Variants in PGRMC1 observed in about 807,000 individuals in gnomAD.
PGRMC1 encodes membrane-associated progesterone receptor component 1.
For synonymous variants in PGRMC1, 73 were observed against 77.3 expected (o/e 0.94, Z 0.29); for missense variants, 145 against 169.0 (o/e 0.86, Z 0.79).
rs1179307251 is a variant in PGRMC1 at position 119,236,538 on chromosome X, G to A, written c.175G>A (p.Asp59Asn). Residue 59 changes from aspartate (D) to asparagine (N), a missense_variant, in exon 1 of 3, where the codon GAC becomes AAC. By Grantham distance (23) the Asp-to-Asn change is conservative. Transcript: ENST00000217971. ...DQPAASGDSD[D>N]DEPPPLPRLK... Reference sequence around the variant, plus strand: ...GCCGGCGGCCAGCGGCGACAGCGACGACGACGAGCCGCCCCCTCTGCCCCG... The same window carrying A: ...GCCGGCGGCCAGCGGCGACAGCGACAACGACGAGCCGCCCCCTCTGCCCCG... 2.5e-6 allele frequency: 3 copies of A among 1,208,768 alleles called. No individual in the cohort carries two copies. Among genetic ancestry groups the A allele is most frequent in the Non-Finnish European group, 1.1e-6 (1 of 894,276 alleles).
chrX:119,240,573 G>A, intron 2 of PGRMC1, 109 bp downstream of exon 2: 1 of 624,368 alleles, frequency 1.6e-6, no homozygotes, highest in Non-Finnish European at 2.6e-6. Context: ...CATTTTGATA[G>A]GCTCCTTAAT....
intron 1 of PGRMC1, among the ~76,000 whole-genome samples, chrX:119,237,532 G>A (rs1320599140): frequency 9.0e-6 from 1 of 110,617 alleles, no homozygotes; most frequent in African/African-American, 3.3e-5. Flanking sequence ...TGAATATGGT[G>A]GACAATGGTA....
Position 119,243,929 on chromosome X carries a change from A to G in PGRMC1, c.*675A>G, listed in dbSNP as rs41295166. The G allele has an allele frequency of 8.9e-6, 1 of 112,554 alleles. No individual in the cohort carries two copies. The highest frequency in any genetic ancestry group is 2.8e-4 in the East Asian group (1 of 3,588). The allele number at this position is 112,554 out of a possible 1,213,427, so 9.3% of individuals were successfully genotyped here. ...GAACATTCAAAAGAAAGCTTTGGAA[A>G]AAAAGAGCTGGCTGGCCTAAAAACC... On this transcript the variant is annotated 3_prime_UTR_variant, in exon 3 of 3. Transcript: ENST00000217971.
At position 119,236,343 on chromosome X, in the gene PGRMC1, C is replaced by T. The variant is rs1426841365; in HGVS notation, c.-21C>T. On this transcript the variant is annotated 5_prime_UTR_variant, in exon 1 of 3. Transcript: ENST00000217971. Reference sequence around the variant, plus strand: ...GTTCCGGATCCCTGCCTAGCGCGGCCCAACCTTTACTCCAGAGATCATGGC... The same window carrying T: ...GTTCCGGATCCCTGCCTAGCGCGGCTCAACCTTTACTCCAGAGATCATGGC... 3.3e-6 allele frequency: 4 copies of T among 1,194,551 alleles called. No homozygotes were observed. Among genetic ancestry groups the T allele is most frequent in the South Asian group, 1.8e-5 (1 of 56,481 alleles).
chrX:119,236,623 C>T lies in PGRMC1; in HGVS notation c.260C>T (p.Pro87Leu). The T allele has an allele frequency of 1.7e-6, 2 of 1,206,838 alleles. No homozygotes were observed. The highest frequency in any genetic ancestry group is 2.2e-6 in the Non-Finnish European group (2 of 893,210). Residue 87 changes from proline (P) to leucine (L), a missense_variant, in exon 1 of 3, where the codon CCG (proline) becomes CTG (leucine). Physicochemically the swap from Pro to Leu is moderately conservative, Grantham distance 98. Transcript: ENST00000217971. Reference protein sequence around the residue: ...ELRRFDGVQDPRILMAINGKV... With the variant: ...ELRRFDGVQDLRILMAINGKV... ...CGGCGCTTCGACGGCGTCCAGGACCCGCGCATACTCATGGCCATCAACGGC... is the reference window on the plus strand; with the variant it reads ...CGGCGCTTCGACGGCGTCCAGGACCTGCGCATACTCATGGCCATCAACGGC...
In PGRMC1 at chrX:119,236,589, G is replaced by T; in HGVS notation, c.226G>T (p.Ala76Ser). The change falls in exon 1 of 3, where the codon GCC (alanine) becomes TCC (serine). Residue 76 changes from alanine to serine, a missense_variant. Ala to Ser is a moderately conservative substitution (Grantham distance 99). Coordinates refer to ENST00000217971, the MANE Select transcript of PGRMC1 (RefSeq NM_006667.5). The part of the protein sequence containing the change: ...PRLKRRDFTP[A>S]ELRRFDGVQD... ...CCTCAAGCGGCGCGACTTCACCCCC[G>T]CCGAGCTGCGGCGCTTCGACGGCGT... The T allele has an allele frequency of 8.3e-7, 1 of 1,207,367 alleles. No homozygotes were observed. Among genetic ancestry groups the T allele is most frequent in the Non-Finnish European group, 1.1e-6 (1 of 893,339 alleles).
intron 1 of PGRMC1, among the ~76,000 whole-genome samples, chrX:119,239,578 T>G (rs914403262): frequency 1.8e-5 from 2 of 112,432 alleles, no homozygotes; most frequent in Non-Finnish European, 3.8e-5. Context: ...AATAATCACA[T>G]TTTATAGAGT....
intron 1 of PGRMC1, 92 bp from the exon 2 acceptor site, chrX:119,240,217 A>C (rs1930787620): frequency 2.4e-6 from 2 of 823,324 alleles, no homozygotes; most frequent in Admixed American, 4.5e-5. Flanking sequence ...AAATGGGGCT[A>C]TGTTGATGAA....
chrX:119,238,071 A>G (rs1204027952), intron 1 of PGRMC1, among the ~76,000 whole-genome samples: 6 of 111,774 alleles, frequency 5.4e-5, no homozygotes, highest in Non-Finnish European at 3.8e-5. Flanking sequence ...CTCATTCCAC[A>G]CTGGCCTGAG....
intron 2 of PGRMC1, among the ~76,000 whole-genome samples, chrX:119,242,941 G>A (rs112490086): frequency 1.8e-5 from 2 of 112,351 alleles, no homozygotes; most frequent in Non-Finnish European, 1.9e-5. Flanking sequence ...ATTGCCAGAC[G>A]TTGCCACCTG....
intron 1 of PGRMC1, 142 bp downstream of exon 1, chrX:119,236,833 C>T: frequency 1.9e-6 from 1 of 529,021 alleles, no homozygotes. Flanking sequence ...GGTAGGCGGG[C>T]AGGCGGAGAG....
In PGRMC1 at chrX:119,243,146, T is replaced by G; in HGVS notation, c.485-5T>G. ...GACCATTTGTGTTTTCTTCTCTACC[T>G]CCAGTCAAGTATCATCACGTGGGCA... On this transcript the variant is annotated splice_region_variant and splice_polypyrimidine_tract_variant and intron_variant, in intron 2 of 2. Coordinates refer to ENST00000217971, the MANE Select transcript of PGRMC1 (RefSeq NM_006667.5). 3 of 1,114,012 alleles carry G rather than the reference T, an allele frequency of 2.7e-6. No individual in the cohort carries two copies. Among genetic ancestry groups the G allele is most frequent in the Non-Finnish European group, 3.7e-6 (3 of 806,186 alleles). 91.8% of individuals were successfully genotyped at this position (1,114,012 alleles called of 1,213,427 possible). A position where few individuals can be genotyped will look rare whatever the true frequency, so the allele number is the denominator to read the frequency against.
At position 119,240,421 on chromosome X, in the gene PGRMC1, T is replaced by C; in HGVS notation, c.441T>C (p.Ala147=). The change falls in exon 2 of 3, where the codon GCT becomes GCC. Residue 147 remains alanine (A), a synonymous_variant. Coordinates refer to ENST00000217971, the MANE Select transcript of PGRMC1 (RefSeq NM_006667.5). ...DEYDDLSDLT[A]AQQETLSDWE... ...ACGATGACCTTTCTGACCTCACTGC[T>C]GCCCAGCAGGAGACTCTGAGTGACT... 8.3e-7 allele frequency: 1 copy of C among 1,208,879 alleles called. No homozygotes were observed. Among genetic ancestry groups the C allele is most frequent in the Non-Finnish European group, 1.1e-6 (1 of 892,820 alleles).
At chrX:119,242,784 C>T (rs1220261768) in intron 2 of PGRMC1, among the ~76,000 whole-genome samples, 1 of 112,228 alleles carries the variant, frequency 8.9e-6, no homozygotes, top group Non-Finnish European at 1.9e-5. Context: ...GGAACTCCCT[C>T]CCTAAATCCT....
intron 2 of PGRMC1, among the ~76,000 whole-genome samples, chrX:119,242,412 C>A (rs951832661): frequency 2.7e-5 from 3 of 110,762 alleles, no homozygotes; most frequent in Non-Finnish European, 5.7e-5. Context: ...CCCTGGACAC[C>A]ACCCTGCTCC....
intron 1 of PGRMC1, among the ~76,000 whole-genome samples, chrX:119,238,836 A>G (rs1930756163): frequency 8.9e-6 from 1 of 112,424 alleles, no homozygotes; most frequent in South Asian, 3.7e-4. Flanking sequence ...TAGTCATTCT[A>G]GTGCCTGTTA....
intron 1 of PGRMC1, among the ~76,000 whole-genome samples, chrX:119,237,376 G>A (rs1158972394): frequency 8.2e-5 from 9 of 110,287 alleles, no homozygotes; most frequent in African/African-American, 3.0e-4. Context: ...TGTGTGGTGT[G>A]TGCATGCGCG....
chrX:119,236,788 G>T, intron 1 of PGRMC1, 97 bp downstream of exon 1: 1 of 719,340 alleles, frequency 1.4e-6, no homozygotes, highest in Non-Finnish European at 2.0e-6. Flanking sequence ...GCGCCCCTGA[G>T]TGGAGGGAGG....
At chrX:119,241,304 T>C (rs774306722) in intron 2 of PGRMC1, among the ~76,000 whole-genome samples, 6 of 112,567 alleles carry the variant, frequency 5.3e-5, no homozygotes, top group African/African-American at 1.6e-4. Flanking sequence ...TCTTTGAAAA[T>C]AATGCTGACT....
Sources: gnomAD v4.1 joint callset for allele counts (sites outside exome capture counted in the v4.1 genomes callset) on GRCh38, gnomAD v4.1.1 for gene constraint, MANE v1.5 for transcripts, NCBI Gene and HGNC (gene_info 2026-07-23, HGNC 2026-07-21) for gene names.